MYO1D: variants seen among roughly 807,000 people sequenced by gnomAD.
The protein encoded by MYO1D is unconventional myosin-Id.
A neutral mutation model predicts 122.0 loss-of-function variants in MYO1D; 83 were observed. The observed-to-expected ratio is 0.68, with a 90% confidence interval of 0.57 to 0.82. The LOEUF (loss-of-function observed/expected upper bound fraction) is 0.82. Ranked by LOEUF, MYO1D falls within the 40% of genes least tolerant of loss-of-function variation. The pLI, the probability that MYO1D is intolerant of heterozygous loss-of-function variation, is 0.00. For synonymous variants in MYO1D, 464 were observed against 446.9 expected (o/e 1.04, Z -0.48); for missense variants, 1,157 against 1,269.5 (o/e 0.91, Z 1.35).
At chr17:32,742,879 C>G (rs1253599483) in intron 13 of MYO1D, among the ~76,000 whole-genome samples, 1 of 152,176 alleles carries the variant, frequency 6.6e-6, no homozygotes, top group Non-Finnish European at 1.5e-5. Context: ...CCTGTATTCC[C>G]TTGAGCTCAC....
intron 4 of MYO1D, among the ~76,000 whole-genome samples, chr17:32,773,197 T>C (rs1040444105): frequency 4.6e-5 from 7 of 152,094 alleles, no homozygotes; most frequent in South Asian, 2.1e-4. Flanking sequence ...TTTTACTCTC[T>C]TCTCCAACCT....
At position 32,605,378 on chromosome 17, in the gene MYO1D, TG is replaced by T; in HGVS notation, c.2710-138del. On this transcript the variant is annotated intron_variant, in intron 20 of 21. Transcript: ENST00000318217. ...GGGAGGCTGATACAGGATGATCATT[TG>T]AGCCCTGGAGTTTGAATCCAGCCTG... 7.0e-6 allele frequency: 5 copies of T among 709,656 alleles called. No homozygotes were observed. In the South Asian group the frequency reaches 1.8e-4, roughly 26 times the overall value. 44.0% of individuals were successfully genotyped at this position (709,656 alleles called of 1,614,324 possible).
intron 21 of MYO1D, chr17:32,513,029 T>G (rs1909748667): frequency 6.6e-6 from 1 of 152,254 alleles, no homozygotes; most frequent in Non-Finnish European, 1.5e-5. Context: ...GAAATTGACT[T>G]GTTTGATACT....
At chr17:32,742,490 T>G (rs2089783841) in intron 13 of MYO1D, among the ~76,000 whole-genome samples, 1 of 152,214 alleles carries the variant, frequency 6.6e-6, no homozygotes, top group Non-Finnish European at 1.5e-5. Flanking sequence ...ATTCACAAAG[T>G]TAACAAACAT....
chr17:32,780,561 A>T lies in MYO1D; in HGVS notation c.304+15T>A. ...CATTGTGACTTTGGAAATACAGGGG[A>T]TCCCCTCCAATTACCTGATATCACA... is the stretch of plus-strand genomic sequence containing the variant. On this transcript the variant is annotated intron_variant, in intron 2 of 21. Transcript: ENST00000318217. 2 of 1,609,296 alleles carry T rather than the reference A, an allele frequency of 1.2e-6. No individual in the cohort carries two copies. The highest frequency in any genetic ancestry group is 1.7e-6 in the Non-Finnish European group (2 of 1,176,828).
chr17:32,633,770 C>A (rs2088056310), intron 20 of MYO1D, among the ~76,000 whole-genome samples: 1 of 152,020 alleles, frequency 6.6e-6, no homozygotes, highest in South Asian at 2.1e-4. Context: ...ATACTTTCCA[C>A]CAAGTACACG....
chr17:32,630,200 G>A (rs1180081477), intron 20 of MYO1D, among the ~76,000 whole-genome samples: 1 of 152,004 alleles, frequency 6.6e-6, no homozygotes, highest in Admixed American at 6.6e-5. Flanking sequence ...ATGAATCCCC[G>A]GTAGCAACAA....
intron 21 of MYO1D, among the ~76,000 whole-genome samples, chr17:32,556,488 C>T (rs919135486): frequency 6.6e-6 from 1 of 151,942 alleles, no homozygotes; most frequent in Non-Finnish European, 1.5e-5. Flanking sequence ...ACACTGCCTA[C>T]AGGCCAGCTT....
At chr17:32,581,788 T>C (rs2087343643) in intron 21 of MYO1D, among the ~76,000 whole-genome samples, 1 of 151,774 alleles carries the variant, frequency 6.6e-6, no homozygotes, top group African/African-American at 2.4e-5. Context: ...TGTTTTGAGA[T>C]GGAATCTTGC....
chr17:32,776,013 G>A lies in MYO1D; in HGVS notation c.415C>T (p.Leu139Phe). Residue 139 changes from leucine (L) to phenylalanine (F), a missense_variant, in exon 4 of 22, where the codon CTT becomes TTT. Leu to Phe is a conservative substitution (Grantham distance 22). Transcript: ENST00000318217. ...AEVERVKNML[L>F]KSNCVLEAFG... Reference sequence around the variant, plus strand: ...GCTTCCAAAACACAGTTGGACTTAAGCAACATATTCTTCACTCTTTAACAC... The same window carrying A: ...GCTTCCAAAACACAGTTGGACTTAAACAACATATTCTTCACTCTTTAACAC... The A allele has an allele frequency of 1.2e-6, 2 of 1,613,678 alleles. No individual in the cohort carries two copies. The highest frequency in any genetic ancestry group is 1.7e-6 in the Non-Finnish European group (2 of 1,179,822).
intron 19 of MYO1D, among the ~76,000 whole-genome samples, chr17:32,645,133 G>C (rs2088269269): frequency 6.6e-6 from 1 of 152,156 alleles, no homozygotes; most frequent in Admixed American, 6.5e-5. Flanking sequence ...CTCAGCATTT[G>C]CTTGTCTGTA....
At chr17:32,649,567 CTTTTTTTTTTTTTT>C (rs35514290) in intron 19 of MYO1D, among the ~76,000 whole-genome samples, 6,157 of 94,306 alleles carry the variant, frequency 0.065, 264 homozygotes, top group East Asian at 0.25. Context: ...TTCTTTCTTT[CTTTTTTTTTTTTTT>C]TTTTTTTTGA....
In MYO1D at chr17:32,526,737, C is replaced by T. The variant is rs115466117; in HGVS notation, c.2865-31822G>A. ...GCACAATCATGGCTCACTGCAGCCC[C>T]GACCTCCTGAGCTCCAGCAGTTCTC... On this transcript the variant is annotated intron_variant, in intron 21 of 21. Transcript: ENST00000318217. 2.1e-3 allele frequency among the ~76,000 whole-genome samples: 317 copies of T among 152,278 alleles called. 2 individuals carry two copies. The highest frequency in any genetic ancestry group is 7.3e-3 in the African/African-American group (304 of 41,542).
intron 1 of MYO1D, among the ~76,000 whole-genome samples, chr17:32,841,209 A>G (rs80249331): frequency 2.0e-5 from 3 of 152,170 alleles, no homozygotes; most frequent in Non-Finnish European, 4.4e-5. Context: ...GTTCACACCT[A>G]TAATTCCAGA....
intron 1 of MYO1D, among the ~76,000 whole-genome samples, chr17:32,856,008 G>A (rs1237332265): frequency 2.6e-5 from 4 of 152,108 alleles, no homozygotes; most frequent in Non-Finnish European, 4.4e-5. Flanking sequence ...TTATAATGAC[G>A]GTACCGAATT....
At chr17:32,502,036 G>C (rs1229989983) in intron 21 of MYO1D, among the ~76,000 whole-genome samples, 1 of 152,190 alleles carries the variant, frequency 6.6e-6, no homozygotes, top group Non-Finnish European at 1.5e-5. Context: ...CCACTGGTAG[G>C]TGTGTGGCGA....
Position 32,559,914 on chromosome 17 carries a change from T to C in MYO1D, c.2864+45173A>G, listed in dbSNP as rs1267281341. ...GTCTGTATTTGTCAATGCTATGGTA[T>C]TGTAATGCAGTGACACAGTAGTTAT... On this transcript the variant is annotated intron_variant, in intron 21 of 21. Coordinates refer to ENST00000318217, the MANE Select transcript of MYO1D (RefSeq NM_015194.3). Among the ~76,000 whole-genome samples, 7 of 152,250 alleles carry C rather than the reference T, an allele frequency of 4.6e-5. No homozygotes were observed. In the South Asian group the frequency reaches 6.2e-4, roughly 14 times the overall value.
intron 1 of MYO1D, among the ~76,000 whole-genome samples, chr17:32,821,782 G>C (rs2090667825): frequency 6.6e-6 from 1 of 152,212 alleles, no homozygotes; most frequent in African/African-American, 2.4e-5. Context: ...TGAATGCAGG[G>C]ATTAGGTTGT....
At chr17:32,748,437 C>T (rs1219212635) in intron 12 of MYO1D, among the ~76,000 whole-genome samples, 2 of 152,042 alleles carry the variant, frequency 1.3e-5, no homozygotes, top group Non-Finnish European at 2.9e-5. Context: ...AATTTGGATA[C>T]CACTTCCTCC....
Sources: allele counts gnomAD v4.1 joint callset (sites outside exome capture counted in the v4.1 genomes callset), GRCh38; gene constraint gnomAD v4.1.1; transcripts MANE v1.5; gene names NCBI Gene and HGNC (gene_info 2026-07-23, HGNC 2026-07-21).